EPHA7: variants seen among roughly 807,000 people sequenced by gnomAD.
The protein encoded by EPHA7 is EPH receptor A7.
Under a neutral mutation model 112.6 loss-of-function variants are expected in EPHA7, and 25 were observed. The observed-to-expected ratio is 0.22, with a 90% CI of 0.16 to 0.31. EPHA7 has a LOEUF of 0.31. Among genes scored for constraint, EPHA7 ranks in the 10% least tolerant of loss-of-function variants. EPHA7 has a pLI of 1.00. For missense variants in EPHA7, 962 were observed against 1,212.6 expected, an observed-to-expected ratio of 0.79 and a Z score of 3.07; for synonymous variants, 437 against 406.5, an observed-to-expected ratio of 1.07 and a Z score of -0.90.
intron 5 of EPHA7, among the ~76,000 whole-genome samples, chr6:93,286,849 G>A (rs139041787): frequency 2.2e-4 from 33 of 152,220 alleles, no homozygotes; most frequent in African/African-American, 6.3e-4. Flanking sequence ...CAAAGGTTGC[G>A]TCTGAAACAG....
intron 1 of EPHA7, among the ~76,000 whole-genome samples, 174 bp downstream of exon 1, chr6:93,419,071 T>C (rs543846001): frequency 6.6e-6 from 1 of 152,176 alleles, no homozygotes; most frequent in East Asian, 2.0e-4. Flanking sequence ...ACAGCCCTGG[T>C]TCGCGCTCGC....
intron 5 of EPHA7, among the ~76,000 whole-genome samples, chr6:93,318,775 T>G (rs987400513): frequency 6.6e-6 from 1 of 152,118 alleles, no homozygotes; most frequent in African/African-American, 2.4e-5. Context: ...TGTCAGCTTT[T>G]CCTTCTTAAA....
At chr6:93,416,986 G>A (rs1371400855) in intron 1 of EPHA7, among the ~76,000 whole-genome samples, 3 of 152,096 alleles carry the variant, frequency 2.0e-5, no homozygotes, top group African/African-American at 7.2e-5. Flanking sequence ...TGGCGCCCTC[G>A]CTCGAGAAGG....
At chr6:93,419,001 C>G (rs1562176146) in intron 1 of EPHA7, among the ~76,000 whole-genome samples, 1 of 152,194 alleles carries the variant, frequency 6.6e-6, no homozygotes, top group Non-Finnish European at 1.5e-5. Flanking sequence ...ACTGCCCGCG[C>G]CAGAAATCCC....
chr6:93,386,182 G>A (rs1418491903), intron 3 of EPHA7, among the ~76,000 whole-genome samples: 1 of 152,112 alleles, frequency 6.6e-6, no homozygotes, highest in African/African-American at 2.4e-5. Context: ...ACTCATTCCA[G>A]CTTTAACCCA....
At chr6:93,307,163 T>G (rs1773300555) in intron 5 of EPHA7, among the ~76,000 whole-genome samples, 1 of 151,964 alleles carries the variant, frequency 6.6e-6, no homozygotes, top group Admixed American at 6.6e-5. Flanking sequence ...TGATACCAAT[T>G]ATTGCATCAA....
chr6:93,258,368 C>CT (rs1770537519), intron 10 of EPHA7, 84 bp from the exon 11 acceptor site: 1 of 1,306,928 alleles, frequency 7.7e-7, no homozygotes, highest in Non-Finnish European at 1.0e-6. Flanking sequence ...AATTATTTTT[C>CT]TTTAACTTTT....
At chr6:93,350,311 G>T (rs1323381501) in intron 5 of EPHA7, among the ~76,000 whole-genome samples, 1 of 151,940 alleles carries the variant, frequency 6.6e-6, no homozygotes, top group Non-Finnish European at 1.5e-5. Context: ...AATTTCTCGT[G>T]TAATGGATTA....
intron 14 of EPHA7, among the ~76,000 whole-genome samples, chr6:93,250,059 G>T (rs932081559): frequency 2.6e-5 from 4 of 151,974 alleles, no homozygotes; most frequent in African/African-American, 9.7e-5. Context: ...AAGATATAAT[G>T]TTTTATACAT....
chr6:93,381,676 A>G (rs952560649), intron 3 of EPHA7, among the ~76,000 whole-genome samples: 1 of 152,134 alleles, frequency 6.6e-6, no homozygotes, highest in Non-Finnish European at 1.5e-5. Flanking sequence ...ACAAGTTAGG[A>G]GAAAAAACAA....
intron 6 of EPHA7, among the ~76,000 whole-genome samples, chr6:93,271,764 C>T (rs1771232038): frequency 6.6e-6 from 1 of 151,712 alleles, no homozygotes. Flanking sequence ...ATTATTAAAA[C>T]ATATATAAAA....
At chr6:93,294,398 A>G (rs930660377) in intron 5 of EPHA7, among the ~76,000 whole-genome samples, 1 of 152,174 alleles carries the variant, frequency 6.6e-6, no homozygotes, top group Admixed American at 6.5e-5. Context: ...TAAAATGTCT[A>G]TTGTGATGTT....
At position 93,358,340 on chromosome 6, in the gene EPHA7, A is replaced by G. The variant is rs1309546660; in HGVS notation, c.904T>C (p.Ser302Pro). Residue 302 changes from serine (S) to proline (P), a missense_variant, in exon 4 of 17, where the codon TCT becomes CCT. Ser to Pro is a moderately conservative substitution (Grantham distance 74). Coordinates refer to ENST00000369303, the MANE Select transcript of EPHA7 (RefSeq NM_004440.4). ...QCSRCPTHSF[S>P]DKEGSSRCEC... is the part of the protein sequence containing the mutation. ...CATCTGGAGGAGCCTTCTTTATCAG[A>G]AAAACTGTGAGTTGGACAACGAGAG... The G allele has an allele frequency of 6.2e-7, 1 of 1,613,654 alleles. No individual in the cohort carries two copies.
At chr6:93,367,739 A>G (rs577007831) in intron 3 of EPHA7, among the ~76,000 whole-genome samples, 1 of 152,292 alleles carries the variant, frequency 6.6e-6, no homozygotes, top group South Asian at 2.1e-4. Flanking sequence ...GAAAATAATA[A>G]TAAGACTATC....
At chr6:93,309,445 A>G (rs573306575) in intron 5 of EPHA7, among the ~76,000 whole-genome samples, 54 of 151,546 alleles carry the variant, frequency 3.6e-4, no homozygotes, top group African/African-American at 1.1e-3. Context: ...TTTGGGCACA[A>G]TTTTTTTTTC....
chr6:93,270,509 G>A (rs935537307), intron 6 of EPHA7, among the ~76,000 whole-genome samples: 3 of 151,360 alleles, frequency 2.0e-5, no homozygotes, highest in African/African-American at 7.3e-5. Flanking sequence ...ATTCTCACAA[G>A]CTATTTATGA....
chr6:93,375,857 G>A (rs60603683), intron 3 of EPHA7, among the ~76,000 whole-genome samples: 3,759 of 152,118 alleles, frequency 0.025, 155 homozygotes, highest in African/African-American at 0.085. Context: ...TTCTTCTAAA[G>A]GCAACTAAGA....
At chr6:93,279,013 G>A (rs1771603138) in intron 5 of EPHA7, among the ~76,000 whole-genome samples, 1 of 152,068 alleles carries the variant, frequency 6.6e-6, no homozygotes, top group Non-Finnish European at 1.5e-5. Flanking sequence ...GGCAGTAGCA[G>A]TCTCAGAAGC....
At chr6:93,294,925 C>T (rs890493239) in intron 5 of EPHA7, among the ~76,000 whole-genome samples, 4 of 151,898 alleles carry the variant, frequency 2.6e-5, no homozygotes, top group African/African-American at 7.2e-5. Context: ...GTTTAATGGT[C>T]TTCTCAAAGA....
Sources: gnomAD v4.1 joint callset for allele counts (sites outside exome capture counted in the v4.1 genomes callset) on GRCh38, gnomAD v4.1.1 for gene constraint, MANE v1.5 for transcripts, NCBI Gene and HGNC (gene_info 2026-07-23, HGNC 2026-07-21) for gene names.